CORO2A: variants seen among roughly 807,000 people sequenced by gnomAD.
CORO2A encodes coronin 2A, also known as coronin-2A.
A neutral mutation model predicts 62.4 loss-of-function variants in CORO2A; 47 were observed. That is an observed-to-expected ratio of 0.75 (90% CI 0.60 to 0.96). CORO2A has a LOEUF of 0.96. CORO2A is among the 40% of genes least tolerant of loss of function. The pLI is 0.00. For synonymous variants in CORO2A, 273 were observed against 268.9 expected (o/e 1.02, Z -0.15); for missense variants, 610 against 684.1 (o/e 0.89, Z 1.21).
intron 2 of CORO2A, among the ~76,000 whole-genome samples, chr9:98,147,275 C>A (rs781186762): frequency 1.3e-5 from 2 of 151,698 alleles, no homozygotes; most frequent in Non-Finnish European, 1.5e-5. Flanking sequence ...GTGATCCTGG[C>A]ATTATGGTTA....
intron 1 of CORO2A, among the ~76,000 whole-genome samples, chr9:98,166,974 C>T (rs544362860): frequency 3.9e-4 from 59 of 151,646 alleles, no homozygotes; most frequent in African/African-American, 1.4e-3. Flanking sequence ...CATGGTGGCA[C>T]ACACCTGTAG....
At chr9:98,149,134 G>C (rs1231369409) in intron 2 of CORO2A, among the ~76,000 whole-genome samples, 2 of 152,174 alleles carry the variant, frequency 1.3e-5, no homozygotes, top group East Asian at 1.9e-4. Flanking sequence ...CAGGGTAAAG[G>C]ATACACAGAA....
chr9:98,162,536 T>C (rs1295952858), intron 1 of CORO2A, among the ~76,000 whole-genome samples: 1 of 152,164 alleles, frequency 6.6e-6, no homozygotes, highest in East Asian at 1.9e-4. Context: ...ACTTCACAAG[T>C]AGGGGGTGGG....
intron 3 of CORO2A, among the ~76,000 whole-genome samples, chr9:98,135,488 A>G (rs1204832237): frequency 6.6e-6 from 1 of 152,106 alleles, no homozygotes; most frequent in Non-Finnish European, 1.5e-5. Context: ...GAAGGTCAGG[A>G]GGCTGGGCTG....
chr9:98,161,873 G>A (rs1216075796), intron 1 of CORO2A, among the ~76,000 whole-genome samples: 1 of 152,086 alleles, frequency 6.6e-6, no homozygotes, highest in Non-Finnish European at 1.5e-5. Context: ...TCCCTCCACA[G>A]CCTGTCTGTG....
At chr9:98,191,847 G>C (rs535230351) in intron 1 of CORO2A, among the ~76,000 whole-genome samples, 1 of 152,204 alleles carries the variant, frequency 6.6e-6, no homozygotes. Flanking sequence ...ACTAGCTCTG[G>C]GACACAGAGC....
Position 98,128,064 on chromosome 9 carries a change from C to T in CORO2A, c.1171+106G>A, listed in dbSNP as rs751851475. ...AGGTCAAGGGCATGGCTTCTGAGGTCATGAGAGAAGAAAAATCCAGGCCCA... is the reference window on the plus strand; with the variant it reads ...AGGTCAAGGGCATGGCTTCTGAGGTTATGAGAGAAGAAAAATCCAGGCCCA... On this transcript the variant is annotated intron_variant, in intron 10 of 11. Coordinates refer to ENST00000375077, the MANE Select transcript of CORO2A (RefSeq NM_052820.4). 1.3e-4 allele frequency: 113 copies of T among 859,872 alleles called. 1 individual carries two copies. The highest frequency in any genetic ancestry group is 1.9e-4 in the Admixed American group (9 of 48,544). The allele number at this position is 859,872 out of a possible 1,614,324, so 53.3% of individuals were successfully genotyped here.
At chr9:98,138,275 C>T (rs980343868) in intron 2 of CORO2A, among the ~76,000 whole-genome samples, 6 of 151,848 alleles carry the variant, frequency 4.0e-5, no homozygotes, top group Non-Finnish European at 7.4e-5. Flanking sequence ...ATTAGCCGGG[C>T]GTGGTAGCAT....
intron 10 of CORO2A, among the ~76,000 whole-genome samples, chr9:98,127,292 G>GC (rs1016657525): frequency 1.3e-5 from 2 of 152,184 alleles, no homozygotes; most frequent in South Asian, 2.1e-4. Context: ...CTGGTCCGCT[G>GC]CCCCCCAAGG....
chr9:98,171,616 G>A (rs1203724875), intron 1 of CORO2A, among the ~76,000 whole-genome samples: 15 of 152,168 alleles, frequency 9.9e-5, no homozygotes, highest in Admixed American at 6.5e-4. Context: ...GAGGGCCCCC[G>A]GGAGGATACG....
intron 1 of CORO2A, among the ~76,000 whole-genome samples, chr9:98,170,158 C>T (rs1168138145): frequency 2.0e-5 from 3 of 152,220 alleles, no homozygotes; most frequent in East Asian, 1.9e-4. Flanking sequence ...CCCATGGAAG[C>T]GCCCCTCGTC....
intron 1 of CORO2A, among the ~76,000 whole-genome samples, chr9:98,167,839 T>C (rs977310707): frequency 6.6e-6 from 1 of 152,254 alleles, no homozygotes; most frequent in African/African-American, 2.4e-5. Context: ...AACTTGCGGT[T>C]GTTGGACAGA....
At chr9:98,152,219 T>C (rs58652900) in intron 2 of CORO2A, among the ~76,000 whole-genome samples, 10,337 of 152,116 alleles carry the variant, frequency 0.068, 966 homozygotes, top group African/African-American at 0.21. Context: ...CTACTTGAAT[T>C]GGTATTGACA....
At chr9:98,187,446 G>A (rs1185337219) in intron 1 of CORO2A, among the ~76,000 whole-genome samples, 1 of 125,318 alleles carries the variant, frequency 8.0e-6, no homozygotes. Flanking sequence ...GCGGCTGGGC[G>A]AAACTCCATC....
At chr9:98,179,601 CA>C (rs1419096741) in intron 1 of CORO2A, among the ~76,000 whole-genome samples, 3 of 152,008 alleles carry the variant, frequency 2.0e-5, no homozygotes, top group Non-Finnish European at 2.9e-5. Context: ...AGGAGTATAT[CA>C]AGAAGGGATG....
chr9:98,182,230 T>C (rs996322589), intron 1 of CORO2A, among the ~76,000 whole-genome samples: 5 of 152,234 alleles, frequency 3.3e-5, no homozygotes, highest in African/African-American at 4.8e-5. Flanking sequence ...ACAAAGGTCC[T>C]AGTCAAAAAA....
chr9:98,128,601 C>T lies in CORO2A; in HGVS notation c.1080+6G>A, dbSNP rs759707070. On this transcript the variant is annotated splice_donor_region_variant and intron_variant, in intron 9 of 11. Transcript: ENST00000375077. The stretch of plus-strand genomic sequence containing the variant: ...CTGCCTCCCATGCGGTCCCGACTGC[C>T]CTTACCCGCCGGGGCACAATCATGG... 21 of 1,613,222 alleles carry T rather than the reference C, an allele frequency of 1.3e-5. No homozygotes were observed. Among genetic ancestry groups the T allele is most frequent in the Non-Finnish European group, 1.4e-5 (16 of 1,179,274 alleles).
At chr9:98,145,464 G>A (rs1485378081) in intron 2 of CORO2A, among the ~76,000 whole-genome samples, 2 of 152,176 alleles carry the variant, frequency 1.3e-5, no homozygotes, top group Non-Finnish European at 2.9e-5. Context: ...CCTAGAACTG[G>A]AAGAGACTTC....
chr9:98,166,991 C>T (rs1452542228), intron 1 of CORO2A, among the ~76,000 whole-genome samples: 1 of 151,346 alleles, frequency 6.6e-6, no homozygotes, highest in Non-Finnish European at 1.5e-5. Flanking sequence ...GTAGTCCCAG[C>T]TACTCGGGAG....
Sources: gnomAD v4.1 joint callset for allele counts (sites outside exome capture counted in the v4.1 genomes callset) on GRCh38, gnomAD v4.1.1 for gene constraint, MANE v1.5 for transcripts, NCBI Gene and HGNC (gene_info 2026-07-23, HGNC 2026-07-21) for gene names.